BANF2: variants seen among roughly 807,000 people sequenced by gnomAD.
BANF2 encodes BANF family member 2.
In BANF2, 4 loss-of-function variants were observed where a neutral mutation model predicts 8.0. That is an observed-to-expected ratio of 0.50 (90% CI 0.25 to 1.14). The LOEUF (loss-of-function observed/expected upper bound fraction) is 1.14, where lower values mean the gene tolerates loss of function less well. BANF2 is among the 50% of genes most tolerant of loss of function. The pLI is 0.16. For missense variants in BANF2, 96 were observed against 107.5 expected (o/e 0.89, Z 0.47); for synonymous variants, 50 against 40.6 (o/e 1.23, Z -0.88).
chr20:17,720,986 C>T (rs971951048), intron 1 of BANF2, among the ~76,000 whole-genome samples: 1 of 152,144 alleles, frequency 6.6e-6, no homozygotes, highest in South Asian at 2.1e-4. Flanking sequence ...TAACAAAAAA[C>T]CCCCAGGTGG....
chr20:17,711,666 TC>T (rs1388971416), intron 1 of BANF2, among the ~76,000 whole-genome samples: 1 of 152,116 alleles, frequency 6.6e-6, no homozygotes, highest in African/African-American at 2.4e-5. Flanking sequence ...TGCTTCCACA[TC>T]CGCAAGCCAT....
At chr20:17,695,017 T>G (rs1389650692), upstream of BANF2, among the ~76,000 whole-genome samples, 1 of 152,146 alleles carries the variant, frequency 6.6e-6, no homozygotes, top group Non-Finnish European at 1.5e-5. Context: ...TAACTTCCTT[T>G]AGGTCATAAA....
chr20:17,721,136 T>A (rs1156954459), intron 1 of BANF2, among the ~76,000 whole-genome samples: 1 of 152,200 alleles, frequency 6.6e-6, no homozygotes, highest in Non-Finnish European at 1.5e-5. Context: ...CCTTCCTTCT[T>A]ACAGAAACTG....
intron 2 of BANF2, among the ~76,000 whole-genome samples, 177 bp downstream of exon 2, chr20:17,723,055 C>T (rs1425883978): frequency 6.6e-6 from 1 of 152,168 alleles, no homozygotes. Flanking sequence ...TCATGATCTG[C>T]TGGGGAATGT....
intron 1 of BANF2, among the ~76,000 whole-genome samples, chr20:17,711,679 A>G (rs536440474): frequency 1.3e-5 from 2 of 152,148 alleles, no homozygotes; most frequent in Admixed American, 1.3e-4. Flanking sequence ...GCAAGCCATT[A>G]GTTGCTCTTA....
chr20:17,695,371 G>A (rs531799656), upstream of BANF2, among the ~76,000 whole-genome samples: 136 of 149,878 alleles, frequency 9.1e-4, no homozygotes, highest in Non-Finnish European at 1.7e-3. Context: ...GCTTGAGCCT[G>A]GGAGGTCAAG....
upstream of BANF2, among the ~76,000 whole-genome samples, chr20:17,699,723 G>A (rs2037382037): frequency 6.6e-6 from 1 of 152,150 alleles, no homozygotes; most frequent in African/African-American, 2.4e-5. Context: ...TTCATAAGCA[G>A]TCTTCCAGGC....
intron 1 of BANF2, among the ~76,000 whole-genome samples, chr20:17,713,706 G>A (rs1272671898): frequency 1.3e-5 from 2 of 151,720 alleles, no homozygotes; most frequent in Admixed American, 6.6e-5. Context: ...GTGGTGGCTC[G>A]TGCCTGTAGT....
At chr20:17,719,074 T>C (rs6044964) in intron 1 of BANF2, among the ~76,000 whole-genome samples, 4,214 of 152,264 alleles carry the variant, frequency 0.028, 191 homozygotes, top group African/African-American at 0.093. Flanking sequence ...CCCTGAAAGA[T>C]GGAGAGCTGG....
At chr20:17,723,856 G>A (rs1407025465) in intron 2 of BANF2, among the ~76,000 whole-genome samples, 1 of 152,148 alleles carries the variant, frequency 6.6e-6, no homozygotes, top group Non-Finnish European at 1.5e-5. Flanking sequence ...TTAGCCGGGT[G>A]TGGTGGCACA....
chr20:17,703,978 C>T (rs1479511700), intron 1 of BANF2, among the ~76,000 whole-genome samples: 1 of 152,190 alleles, frequency 6.6e-6, no homozygotes, highest in African/African-American at 2.4e-5. Context: ...AAACTCCTGA[C>T]CTCAGGCCTC....
intron 1 of BANF2, among the ~76,000 whole-genome samples, chr20:17,713,187 G>A (rs943701607): frequency 3.9e-5 from 6 of 152,092 alleles, no homozygotes; most frequent in African/African-American, 1.4e-4. Context: ...TGACCCCGGA[G>A]TTCAAGGCTG....
At chr20:17,719,703 AG>A (rs1421563844) in intron 1 of BANF2, among the ~76,000 whole-genome samples, 1 of 146,592 alleles carries the variant, frequency 6.8e-6, no homozygotes, top group African/African-American at 2.5e-5. Context: ...AAAAAAAAAA[AG>A]AGGAGCAGCT....
At chr20:17,711,207 T>C (rs193109160) in intron 1 of BANF2, among the ~76,000 whole-genome samples, 198 of 152,308 alleles carry the variant, frequency 1.3e-3, no homozygotes, top group Middle Eastern at 6.8e-3. Context: ...GCAATCCTCC[T>C]GCAGGCAAAG....
chr20:17,694,593 T>TTCTC (rs73617209), intron 1 of BANF2, among the ~76,000 whole-genome samples: 108 of 92,158 alleles, frequency 1.2e-3, no homozygotes, highest in Admixed American at 1.9e-3. Flanking sequence ...TTTTTGTTTT[T>TTCTC]TCTCTCTCTT....
At chr20:17,698,673 G>T (rs1003726761), upstream of BANF2, among the ~76,000 whole-genome samples, 1 of 152,224 alleles carries the variant, frequency 6.6e-6, no homozygotes, top group East Asian at 1.9e-4. Flanking sequence ...GCAAAGATAC[G>T]CAGGTACTGG....
intron 1 of BANF2, among the ~76,000 whole-genome samples, chr20:17,712,744 G>A (rs563068707): frequency 1.3e-5 from 2 of 152,148 alleles, no homozygotes; most frequent in East Asian, 3.9e-4. Context: ...TTCTCTGTGG[G>A]GTAATAATGG....
rs372470885 is a variant in BANF2, at chr20:17,704,395, G to C, written c.-167+4340G>C. 7.2e-5 allele frequency among the ~76,000 whole-genome samples: 11 copies of C among 152,332 alleles called. No homozygotes were observed. In the East Asian group the frequency reaches 2.1e-3, roughly 29 times the overall value. ...AAAGCTGCAGGCCCACAGGCTGCAC[G>C]TGGAGTAGCAAGGCTGTATTAGAAT... On this transcript the variant is annotated intron_variant, in intron 1 of 3. Coordinates refer to ENST00000246090, the MANE Select transcript of BANF2 (RefSeq NM_178477.5).
At chr20:17,705,397 C>T (rs1359520681) in intron 1 of BANF2, among the ~76,000 whole-genome samples, 1 of 152,180 alleles carries the variant, frequency 6.6e-6, no homozygotes, top group Admixed American at 6.5e-5. Flanking sequence ...ACCAGGCCTC[C>T]CAATCCCTAG....
Sources: allele counts gnomAD v4.1 joint callset (sites outside exome capture counted in the v4.1 genomes callset), GRCh38; gene constraint gnomAD v4.1.1; transcripts MANE v1.5; gene names NCBI Gene and HGNC (gene_info 2026-07-23, HGNC 2026-07-21).